JPH2: variants seen among roughly 807,000 people sequenced by gnomAD.
JPH2 encodes junctophilin 2.
In JPH2, 38 loss-of-function variants were observed where a neutral mutation model predicts 55.9. The ratio of observed to expected loss-of-function variants is 0.68; its 90% CI spans 0.52 to 0.89. The LOEUF (loss-of-function observed/expected upper bound fraction) is 0.89. Among genes scored for constraint, JPH2 ranks in the 40% least tolerant of loss-of-function variants. The pLI is 0.00. For missense variants in JPH2, 964 were observed against 1,037.6 expected, an observed-to-expected ratio of 0.93 and a Z score of 0.97; for synonymous variants, 480 against 472.4, an observed-to-expected ratio of 1.02 and a Z score of -0.21.
chr20:44,118,632 A>G lies in JPH2; in HGVS notation c.1170-9T>C. On this transcript the variant is annotated splice_polypyrimidine_tract_variant and intron_variant, in intron 2 of 5. Transcript: ENST00000372980. ...CCTTGGCGTGGCTTGTCCTATGGAG[A>G]CAATGTGGCAGAAGACTCAGGATCC... is the stretch of plus-strand genomic sequence containing the variant. The G allele has an allele frequency of 6.2e-7, 1 of 1,602,294 alleles. No individual in the cohort carries two copies. Among genetic ancestry groups the G allele is most frequent in the Non-Finnish European group, 8.5e-7 (1 of 1,175,460 alleles).
At chr20:44,157,776 T>C (rs2072576172) in intron 2 of JPH2, among the ~76,000 whole-genome samples, 1 of 152,186 alleles carries the variant, frequency 6.6e-6, no homozygotes, top group African/African-American at 2.4e-5. Context: ...AAGGCCAGGA[T>C]TTGGCCCTAG....
At position 44,113,274 on chromosome 20, in the gene JPH2, C is replaced by G. The variant is rs535692174; in HGVS notation, c.*244G>C. On this transcript the variant is annotated 3_prime_UTR_variant, in exon 6 of 6. Transcript: ENST00000372980. Reference sequence around the variant, plus strand: ...AGAGACCAGGGCGCTTCTCTCTGGGCTCTCCTTGCCCCTGGGTAGAGAGCT... The same window carrying G: ...AGAGACCAGGGCGCTTCTCTCTGGGGTCTCCTTGCCCCTGGGTAGAGAGCT... 3.3e-5 allele frequency: 5 copies of G among 152,408 alleles called. No homozygotes were observed. The highest frequency in any genetic ancestry group is 6.5e-5 in the Admixed American group (1 of 15,302). The allele number at this position is 152,408 out of a possible 1,614,324, so 9.4% of individuals were successfully genotyped here.
chr20:44,120,163 C>G (rs1348039000), intron 2 of JPH2, among the ~76,000 whole-genome samples: 3 of 152,116 alleles, frequency 2.0e-5, no homozygotes, highest in Admixed American at 6.5e-5. Context: ...TCAGGCTCTA[C>G]TTCTAGGGAA....
intron 2 of JPH2, among the ~76,000 whole-genome samples, chr20:44,147,216 C>T (rs1178982680): frequency 6.6e-6 from 1 of 152,192 alleles, no homozygotes; most frequent in African/African-American, 2.4e-5. Context: ...TATTCCAGTG[C>T]TGCTTGAATG....
chr20:44,120,199 G>A (rs2072225634), intron 2 of JPH2, among the ~76,000 whole-genome samples: 1 of 152,090 alleles, frequency 6.6e-6, no homozygotes, highest in Non-Finnish European at 1.5e-5. Flanking sequence ...CCAAGTTCAT[G>A]GACCCCTGAA....
chr20:44,162,781 T>TACACAC (rs1192452736), intron 1 of JPH2, among the ~76,000 whole-genome samples: 4 of 70,038 alleles, frequency 5.7e-5, no homozygotes, highest in African/African-American at 2.4e-4. Context: ...TATATATATA[T>TACACAC]ATATATACAC....
rs551866698 is a variant in JPH2, at chr20:44,186,307, G to A, written c.379+20C>T. 1.2e-4 allele frequency: 194 copies of A among 1,607,970 alleles called. 2 individuals are homozygous for A. In the South Asian group the frequency reaches 1.4e-3, roughly 12 times the overall value. The stretch of plus-strand genomic sequence containing the variant: ...CTCCCTGGCTCCACCCCACCTCTGC[G>A]GGCCCCCAGCTGGCCTCACCTCCAT... On this transcript the variant is annotated intron_variant, in intron 1 of 5. Transcript: ENST00000372980.
intron 2 of JPH2, among the ~76,000 whole-genome samples, chr20:44,124,347 C>A (rs1337822116): frequency 6.6e-6 from 1 of 152,084 alleles, no homozygotes; most frequent in African/African-American, 2.4e-5. Flanking sequence ...TTAGGCTGTT[C>A]CCCGACCTGG....
intron 2 of JPH2, among the ~76,000 whole-genome samples, chr20:44,121,703 C>T (rs2072237994): frequency 6.6e-6 from 1 of 152,018 alleles, no homozygotes; most frequent in South Asian, 2.1e-4. Flanking sequence ...TCTAAAGAAC[C>T]CAAGCCAGCA....
In JPH2 at chr20:44,154,154, C is replaced by T. The variant is rs530219577; in HGVS notation, c.1169+5464G>A. Among the ~76,000 whole-genome samples the T allele has an allele frequency of 9.2e-5, 14 of 152,314 alleles. No individual in the cohort carries two copies. The South Asian group carries it at 1.9e-3, about 20-fold the overall frequency. ...CTGCTCAGTGACAGGGTTGGGACTA[C>T]TCTGAGGGCCTGAATGGGTCTACAG... is the stretch of plus-strand genomic sequence containing the variant. On this transcript the variant is annotated intron_variant, in intron 2 of 5. Coordinates refer to ENST00000372980, the MANE Select transcript of JPH2 (RefSeq NM_020433.5).
intron 2 of JPH2, among the ~76,000 whole-genome samples, chr20:44,134,624 ATATT>A (rs1423541848): frequency 1.5e-5 from 1 of 68,668 alleles, no homozygotes; most frequent in Non-Finnish European, 2.4e-5. Context: ...TAATAAATAT[ATATT>A]TATTATAAAT....
At chr20:44,150,280 C>A (rs1600852696) in intron 2 of JPH2, among the ~76,000 whole-genome samples, 1 of 152,224 alleles carries the variant, frequency 6.6e-6, no homozygotes, top group East Asian at 1.9e-4. Context: ...AAAAACAATT[C>A]TACTTAAAGT....
intron 1 of JPH2, among the ~76,000 whole-genome samples, chr20:44,165,212 A>G (rs1234246559): frequency 1.3e-5 from 2 of 151,920 alleles, no homozygotes; most frequent in Non-Finnish European, 2.9e-5. Context: ...TTTCAAATGC[A>G]TTTTATCATA....
At chr20:44,155,061 G>A (rs939797671) in intron 2 of JPH2, among the ~76,000 whole-genome samples, 4 of 152,058 alleles carry the variant, frequency 2.6e-5, no homozygotes, top group Non-Finnish European at 5.9e-5. Context: ...AGGACCAGGA[G>A]GGCAAGGAAA....
intron 1 of JPH2, among the ~76,000 whole-genome samples, chr20:44,173,151 G>C (rs2072710351): frequency 6.6e-6 from 1 of 152,054 alleles, no homozygotes; most frequent in African/African-American, 2.4e-5. Flanking sequence ...TCTTTACTCA[G>C]TGACCAAAAC....
At position 44,124,379 on chromosome 20, in the gene JPH2, G is replaced by A. The variant is rs1170044357; in HGVS notation, c.1170-5756C>T. On this transcript the variant is annotated intron_variant, in intron 2 of 5. Transcript: ENST00000372980. ...CTGGAAGGCTCTCTCCCCTCCTGCC[G>A]CGATCCTGGCCTTAAAGAGTCAGTT... 2.6e-5 allele frequency among the ~76,000 whole-genome samples: 4 copies of A among 152,066 alleles called. 1 individual carries two copies. Among genetic ancestry groups the A allele is most frequent in the South Asian group, 2.1e-4 (1 of 4,826 alleles).
intron 2 of JPH2, among the ~76,000 whole-genome samples, chr20:44,143,723 T>C (rs2072474733): frequency 6.6e-6 from 1 of 152,212 alleles, no homozygotes. Context: ...TGCAGGAACC[T>C]TAACTGAGGG....
chr20:44,129,589 G>A (rs2072302499), intron 2 of JPH2, among the ~76,000 whole-genome samples: 1 of 149,956 alleles, frequency 6.7e-6, no homozygotes, highest in African/African-American at 2.5e-5. Flanking sequence ...CAAAACCATT[G>A]CTGCTTCCTG....
intron 2 of JPH2, among the ~76,000 whole-genome samples, chr20:44,135,665 C>T (rs1029130941): frequency 6.6e-6 from 1 of 152,202 alleles, no homozygotes; most frequent in Non-Finnish European, 1.5e-5. Context: ...GACTATTTAT[C>T]TGAAAATATT....
Sources: allele counts gnomAD v4.1 joint callset (sites outside exome capture counted in the v4.1 genomes callset), GRCh38; gene constraint gnomAD v4.1.1; transcripts MANE v1.5; gene names NCBI Gene and HGNC (gene_info 2026-07-23, HGNC 2026-07-21).